The following TRIB3 variants were observed in gnomAD, a reference collection of about 807,000 sequenced individuals.
TRIB3 encodes the protein tribbles homolog 3.
A neutral mutation model predicts 16.6 loss-of-function variants in TRIB3; 20 were observed. The ratio of observed to expected loss-of-function variants is 1.20; its 90% CI spans 0.85 to 1.75. The LOEUF (loss-of-function observed/expected upper bound fraction) is 1.75. Ranked by LOEUF, TRIB3 falls within the 40% of genes most tolerant of loss-of-function variation. The pLI, the probability that TRIB3 is intolerant of heterozygous loss-of-function variation, is 0.00. For synonymous variants in TRIB3, 208 were observed against 217.0 expected (o/e 0.96, Z 0.36); for missense variants, 484 against 488.9 (o/e 0.99, Z 0.10).
intron 1 of TRIB3, chr20:382,770 G>T: frequency 1.5e-6 from 1 of 657,482 alleles, no homozygotes; most frequent in Non-Finnish European, 2.7e-6. Context: ...CAGCTAGAAA[G>T]GGTTTGAGAC....
intron 1 of TRIB3, among the ~76,000 whole-genome samples, chr20:382,118 T>C (rs1568531213): frequency 7.2e-6 from 1 of 138,196 alleles, no homozygotes; most frequent in Non-Finnish European, 1.6e-5. Flanking sequence ...TGTGTGTGTG[T>C]GTGTGTGTGC....
chr20:393,402 G>A (rs1315671300), intron 3 of TRIB3, among the ~76,000 whole-genome samples: 2 of 151,920 alleles, frequency 1.3e-5, no homozygotes, highest in African/African-American at 4.8e-5. Context: ...TGTGATCACA[G>A]CTCACTGCAG....
In TRIB3 at chr20:382,417, G is replaced by A; in HGVS notation, c.-1+1248G>A. 3 of 1,037,260 alleles carry A rather than the reference G, an allele frequency of 2.9e-6. No homozygotes were observed. In the South Asian group the frequency reaches 4.6e-5, roughly 16 times the overall value. The allele number at this position is 1,037,260 out of a possible 1,614,324, so 64.3% of individuals were successfully genotyped here. On this transcript the variant is annotated intron_variant, in intron 1 of 3. Transcript: ENST00000217233. ...GCACAGGCCAGAGGGACTCCAGGCA[G>A]TCTCCTGCTGCACAGGGCACAAAGC... is the stretch of plus-strand genomic sequence containing the variant.
chr20:394,036 T>C (rs868865024), intron 3 of TRIB3, among the ~76,000 whole-genome samples: 2 of 149,692 alleles, frequency 1.3e-5, no homozygotes, highest in East Asian at 1.9e-4. Flanking sequence ...TTCTTTCTTT[T>C]TTTTTTTTTT....
Position 396,760 on chromosome 20 carries a change from C to A in TRIB3, c.*70C>A. On this transcript the variant is annotated 3_prime_UTR_variant, in exon 4 of 4. Transcript: ENST00000217233. ...GGGGGTAGCTCCAAGCCTTCTCCTG[C>A]CTCTGAACTGAGCCAAACCTTCAGT... 6.5e-7 allele frequency: 1 copy of A among 1,529,068 alleles called. No individual in the cohort carries two copies. The highest frequency in any genetic ancestry group is 2.3e-5 in the East Asian group (1 of 44,210). The allele number at this position is 1,529,068 out of a possible 1,614,324, so 94.7% of individuals were successfully genotyped here.
In TRIB3 at chr20:396,799, G is replaced by C. The variant is rs952685720; in HGVS notation, c.*109G>C. On this transcript the variant is annotated 3_prime_UTR_variant, in exon 4 of 4. Coordinates refer to ENST00000217233, the MANE Select transcript of TRIB3 (RefSeq NM_021158.5). ...CAAACCTTCAGTGCCTTCCAGAAGG[G>C]AGAAAGGCAGAAGCCTGTGTGGAGT... 3 of 1,456,122 alleles carry C rather than the reference G, an allele frequency of 2.1e-6. No homozygotes were observed. The highest frequency in any genetic ancestry group is 2.7e-6 in the Non-Finnish European group (3 of 1,091,474). The allele number at this position is 1,456,122 out of a possible 1,614,324, so 90.2% of individuals were successfully genotyped here.
intron 3 of TRIB3, among the ~76,000 whole-genome samples, chr20:394,810 A>AT (rs1406173361): frequency 6.6e-6 from 1 of 151,786 alleles, no homozygotes; most frequent in Non-Finnish European, 1.5e-5. Flanking sequence ...AAAAAAAAAA[A>AT]GAAAAATCAC....
chr20:388,145 C>T lies in TRIB3; in HGVS notation c.135C>T (p.Pro45=), dbSNP rs199876142. ...GTGGGCCCCAGCCCAGACTGCCCCC[C>T]TGCCTGTTGCCCCTGAGCCCACCTA... is the stretch of plus-strand genomic sequence containing the variant. The part of the protein sequence containing the change: ...ARSGPQPRLP[P]CLLPLSPPTA... The change falls in exon 2 of 4, where the codon CCC becomes CCT. Residue 45 remains proline, a synonymous_variant. Coordinates refer to ENST00000217233, the MANE Select transcript of TRIB3 (RefSeq NM_021158.5). The T allele has an allele frequency of 2.5e-6, 4 of 1,614,016 alleles. No individual in the cohort carries two copies. In the Admixed American group the frequency reaches 5.0e-5, roughly 20 times the overall value.
At chr20:383,691 C>T (rs1022457999) in intron 1 of TRIB3, among the ~76,000 whole-genome samples, 8 of 152,094 alleles carry the variant, frequency 5.3e-5, no homozygotes, top group Non-Finnish European at 1.5e-5. Context: ...CTTCCTGCTT[C>T]AGCCTCCCAA....
intron 3 of TRIB3, among the ~76,000 whole-genome samples, chr20:392,042 A>C (rs2014995594): frequency 6.6e-6 from 1 of 151,264 alleles, no homozygotes. Context: ...AAAAGAGTTG[A>C]CTCAGTCCTC....
Position 391,503 on chromosome 20 carries a change from C to T in TRIB3, c.508C>T (p.Leu170=). 6.2e-7 allele frequency: 1 copy of T among 1,613,814 alleles called. No homozygotes were observed. The highest frequency in any genetic ancestry group is 8.5e-7 in the Non-Finnish European group (1 of 1,180,010). Residue 170 remains leucine, a synonymous_variant, in exon 3 of 4, where the codon CTG becomes TTG. Coordinates refer to ENST00000217233, the MANE Select transcript of TRIB3 (RefSeq NM_021158.5). The part of the protein sequence containing the change: ...AVLFRQMATA[L]AHCHQHGLVL... ...GCTCTTCCGCCAGATGGCCACCGCCCTGGCGCACTGTCACCAGCACGGTCT... is the reference window on the plus strand; with the variant it reads ...GCTCTTCCGCCAGATGGCCACCGCCTTGGCGCACTGTCACCAGCACGGTCT...
intron 1 of TRIB3, among the ~76,000 whole-genome samples, chr20:386,972 T>C (rs931378892): frequency 1.3e-5 from 2 of 151,294 alleles, no homozygotes; most frequent in East Asian, 2.0e-4. Context: ...AGGCTGGTCT[T>C]GAACTCCCAG....
chr20:381,800 C>T (rs2014660551), intron 1 of TRIB3, among the ~76,000 whole-genome samples: 1 of 152,178 alleles, frequency 6.6e-6, no homozygotes. Flanking sequence ...TCTGGCCCGG[C>T]AGGGCCGCTG....
Position 396,903 on chromosome 20 carries a change from C to A in TRIB3, c.*213C>A, listed in dbSNP as rs4352283. The A allele has an allele frequency of 0.14, 90,460 of 633,018 alleles. 7,292 individuals carry two copies. Among genetic ancestry groups the A allele is most frequent in the Middle Eastern group, 0.27 (602 of 2,256 alleles). The allele number at this position is 633,018 out of a possible 1,614,324, so 39.2% of individuals were successfully genotyped here. A position where few individuals can be genotyped will look rare whatever the true frequency, so the allele number is the denominator to read the frequency against. On this transcript the variant is annotated 3_prime_UTR_variant, in exon 4 of 4. Coordinates refer to ENST00000217233, the MANE Select transcript of TRIB3 (RefSeq NM_021158.5). ...CTTATCAGGTGCCAAGCCCTGTTCT[C>A]GGTGCTGGGAGTACAGCAGTGAGCA...
At chr20:385,151 C>T (rs911622066) in intron 1 of TRIB3, among the ~76,000 whole-genome samples, 23 of 152,128 alleles carry the variant, frequency 1.5e-4, no homozygotes, top group African/African-American at 5.1e-4. Flanking sequence ...TCACTCTTGT[C>T]GCCCAGGCCG....
chr20:388,211 T>C lies in TRIB3; in HGVS notation c.201T>C (p.Arg67=), dbSNP rs1201605679. 6.2e-7 allele frequency: 1 copy of C among 1,613,864 alleles called. No homozygotes were observed. The highest frequency in any genetic ancestry group is 1.3e-5 in the African/African-American group (1 of 75,062). Residue 67 remains arginine, a synonymous_variant, in exon 2 of 4, where the codon CGT becomes CGC. Transcript: ENST00000217233. ...CAACTGCTGTGGCCACTGCCTCCCG[T>C]CTTGGGCCCTATGTCCTCCTGGAGC... ...DRATAVATAS[R]LGPYVLLEPE... is the part of the protein sequence containing the mutation.
intron 1 of TRIB3, chr20:382,614 T>A (rs1460210689): frequency 5.9e-6 from 9 of 1,518,724 alleles, no homozygotes; most frequent in Non-Finnish European, 8.0e-6. Context: ...TCCTGACACC[T>A]ACCTGGCAAC....
At chr20:382,122 TGTGTGCGTGCGC>T (rs1348310579) in intron 1 of TRIB3, among the ~76,000 whole-genome samples, 6 of 138,304 alleles carry the variant, frequency 4.3e-5, no homozygotes, top group African/African-American at 1.8e-4. Flanking sequence ...TGTGTGTGTG[TGTGTGCGTGCGC>T]GCGCGCGCTT....
rs978188414 is a variant in TRIB3 at position 397,523 on chromosome 20, G to A, written c.*833G>A. 3.3e-5 allele frequency: 5 copies of A among 152,162 alleles called. No individual in the cohort carries two copies. Among genetic ancestry groups the A allele is most frequent in the Admixed American group, 6.5e-5 (1 of 15,274 alleles). The allele number at this position is 152,162 out of a possible 1,614,324, so 9.4% of individuals were successfully genotyped here. ...GGTTTTGGATACCATGAGTATGTAT[G>A]TTTACCTGTGCCTAATAAAGGAGAA... is the stretch of plus-strand genomic sequence containing the variant. On this transcript the variant is annotated 3_prime_UTR_variant, in exon 4 of 4. Coordinates refer to ENST00000217233, the MANE Select transcript of TRIB3 (RefSeq NM_021158.5).
Sources: gnomAD v4.1 joint callset for allele counts (sites outside exome capture counted in the v4.1 genomes callset) on GRCh38, gnomAD v4.1.1 for gene constraint, MANE v1.5 for transcripts, NCBI Gene and HGNC (gene_info 2026-07-23, HGNC 2026-07-21) for gene names.